ITFG1: variants seen among roughly 807,000 people sequenced by gnomAD.
ITFG1 encodes integrin alpha FG-GAP repeat containing 1.
In ITFG1, 34 loss-of-function variants were observed where a neutral mutation model predicts 81.8. The ratio of observed to expected loss-of-function variants is 0.42; its 90% CI spans 0.32 to 0.55. ITFG1 has a LOEUF of 0.55. Ranked by LOEUF, ITFG1 falls within the 20% of genes least tolerant of loss-of-function variation. The pLI, the probability that ITFG1 is intolerant of heterozygous loss-of-function variation, is 0.17. For synonymous variants in ITFG1, 285 were observed against 270.6 expected (o/e 1.05, Z -0.52); for missense variants, 672 against 755.4 (o/e 0.89, Z 1.29).
intron 14 of ITFG1, among the ~76,000 whole-genome samples, chr16:47,209,086 A>G (rs1965534425): frequency 6.6e-6 from 1 of 152,240 alleles, no homozygotes; most frequent in South Asian, 2.1e-4. Context: ...AGTATTAAAA[A>G]TCAAGATAGC....
intron 8 of ITFG1, among the ~76,000 whole-genome samples, chr16:47,335,088 G>A (rs1967684810): frequency 6.6e-6 from 1 of 152,198 alleles, no homozygotes; most frequent in African/African-American, 2.4e-5. Context: ...TGGGTGCAGT[G>A]GCTCATGCCA....
chr16:47,403,004 T>A (rs974903996), intron 6 of ITFG1, among the ~76,000 whole-genome samples: 1 of 152,168 alleles, frequency 6.6e-6, no homozygotes. Flanking sequence ...AATTTACTGC[T>A]TTTTAAAAGA....
At chr16:47,385,573 T>A (rs1968451212) in intron 6 of ITFG1, among the ~76,000 whole-genome samples, 1 of 152,232 alleles carries the variant, frequency 6.6e-6, no homozygotes, top group African/African-American at 2.4e-5. Context: ...AAAAGCTACA[T>A]GAAATAATTT....
intron 12 of ITFG1, among the ~76,000 whole-genome samples, chr16:47,244,723 C>G (rs1174686966): frequency 6.6e-6 from 1 of 150,514 alleles, no homozygotes; most frequent in East Asian, 2.0e-4. Flanking sequence ...GCCCTAACCC[C>G]CAATGTGGCT....
intron 6 of ITFG1, among the ~76,000 whole-genome samples, chr16:47,422,088 T>C (rs966221571): frequency 6.6e-6 from 1 of 152,232 alleles, no homozygotes; most frequent in Non-Finnish European, 1.5e-5. Context: ...TTGATGGACA[T>C]CTGGGTTGGT....
intron 10 of ITFG1, among the ~76,000 whole-genome samples, chr16:47,294,589 T>C (rs1966955533): frequency 6.6e-6 from 1 of 152,152 alleles, no homozygotes; most frequent in Non-Finnish European, 1.5e-5. Context: ...GTGAAATATA[T>C]TCCTAAGTAT....
chr16:47,268,608 C>T (rs1374540285), intron 10 of ITFG1, among the ~76,000 whole-genome samples: 1 of 152,184 alleles, frequency 6.6e-6, no homozygotes, highest in African/African-American at 2.4e-5. Flanking sequence ...AAAATTCTAG[C>T]CAATCAAATT....
intron 6 of ITFG1, among the ~76,000 whole-genome samples, 199 bp from the exon 7 acceptor site, chr16:47,376,139 A>T (rs1216757371): frequency 1.3e-5 from 2 of 152,002 alleles, no homozygotes; most frequent in Non-Finnish European, 2.9e-5. Flanking sequence ...TTTAACGAGG[A>T]TATTTGGTAT....
chr16:47,229,943 T>C (rs115349171), intron 13 of ITFG1, among the ~76,000 whole-genome samples: 302 of 152,360 alleles, frequency 2.0e-3, no homozygotes, highest in African/African-American at 7.0e-3. Context: ...TCACATAACT[T>C]TTATTACAGT....
At chr16:47,181,450 TG>T (rs1262352965) in intron 14 of ITFG1, among the ~76,000 whole-genome samples, 10 of 104,930 alleles carry the variant, frequency 9.5e-5, no homozygotes, top group Admixed American at 3.6e-4. Flanking sequence ...GGGAGGGAGG[TG>T]GGGGGGGTCA....
chr16:47,251,545 G>C (rs187568801), intron 12 of ITFG1, among the ~76,000 whole-genome samples: 17 of 150,378 alleles, frequency 1.1e-4, no homozygotes, highest in African/African-American at 3.9e-4. Flanking sequence ...AAGACTAACA[G>C]GAATAATCAT....
At chr16:47,240,724 AAGGAAATC>A (rs1567432815) in intron 12 of ITFG1, among the ~76,000 whole-genome samples, 3 of 152,228 alleles carry the variant, frequency 2.0e-5, no homozygotes, top group African/African-American at 7.2e-5. Flanking sequence ...CTTAAAAAGG[AAGGAAATC>A]TTGTCACATA....
At chr16:47,165,988 A>G (rs1011545386) in intron 14 of ITFG1, among the ~76,000 whole-genome samples, 5 of 152,224 alleles carry the variant, frequency 3.3e-5, no homozygotes, top group Non-Finnish European at 7.3e-5. Flanking sequence ...AGTTAACCTG[A>G]AAAAGTAGTT....
At chr16:47,396,706 T>C (rs987806915) in intron 6 of ITFG1, among the ~76,000 whole-genome samples, 1 of 151,950 alleles carries the variant, frequency 6.6e-6, no homozygotes, top group Non-Finnish European at 1.5e-5. Flanking sequence ...TGAGTGGATA[T>C]AAAGTAGCAG....
intron 8 of ITFG1, among the ~76,000 whole-genome samples, chr16:47,359,359 C>T (rs1968080419): frequency 6.6e-6 from 1 of 152,162 alleles, no homozygotes; most frequent in African/African-American, 2.4e-5. Context: ...ATTAACAGAA[C>T]TCCAGAGTTC....
intron 11 of ITFG1, among the ~76,000 whole-genome samples, 192 bp downstream of exon 11, chr16:47,260,353 A>T (rs539641677): frequency 5.9e-5 from 9 of 152,342 alleles, no homozygotes; most frequent in Admixed American, 2.0e-4. Context: ...TTAATATTTG[A>T]CTGTACTGAT....
At chr16:47,183,045 T>C (rs1257200350) in intron 14 of ITFG1, among the ~76,000 whole-genome samples, 2 of 152,190 alleles carry the variant, frequency 1.3e-5, no homozygotes, top group Non-Finnish European at 2.9e-5. Flanking sequence ...CCCACCCGAA[T>C]ACCGCGCTTT....
At chr16:47,258,507 G>A in intron 12 of ITFG1, 125 bp downstream of exon 12, 1 of 585,830 alleles carries the variant, frequency 1.7e-6, no homozygotes, top group Non-Finnish European at 3.0e-6. Context: ...TATATAGACA[G>A]GATGGTGCTG....
intron 9 of ITFG1, chr16:47,312,284 C>CTG (rs1191747784): frequency 6.6e-6 from 1 of 152,168 alleles, no homozygotes; most frequent in Non-Finnish European, 1.5e-5. Flanking sequence ...GCAGGCACAG[C>CTG]TGACTTGAGA....
Sources: allele counts gnomAD v4.1 joint callset (sites outside exome capture counted in the v4.1 genomes callset), GRCh38; gene constraint gnomAD v4.1.1; transcripts MANE v1.5; gene names NCBI Gene and HGNC (gene_info 2026-07-23, HGNC 2026-07-21).